Variants in ZNF621 observed in about 807,000 individuals in gnomAD.
ZNF621 encodes zinc finger protein 621.
In ZNF621, 6 loss-of-function variants were observed where a neutral mutation model predicts 12.7. The observed-to-expected ratio is 0.47, with a 90% CI of 0.26 to 0.93. The LOEUF is 0.93. ZNF621 is among the 40% of genes least tolerant of loss of function. The pLI is 0.15. For missense variants in ZNF621, 474 were observed against 524.0 expected, an observed-to-expected ratio of 0.90 and a Z score of 0.93; for synonymous variants, 156 against 190.3, an observed-to-expected ratio of 0.82 and a Z score of 1.48.
At chr3:40,529,531 A>C in intron 3 of ZNF621, 86 bp downstream of exon 3, 1 of 1,596,482 alleles carries the variant, frequency 6.3e-7, no homozygotes. Context: ...GGGTTTGATG[A>C]CTTCAGAGGA....
In ZNF621 at chr3:40,538,271, G is replaced by A; in HGVS notation, c.*5181G>A. 2.5e-6 allele frequency: 1 copy of A among 404,846 alleles called. No homozygotes were observed. Among genetic ancestry groups the A allele is most frequent in the Non-Finnish European group, 4.9e-6 (1 of 205,908 alleles). The allele number at this position is 404,846 out of a possible 1,614,324, so 25.1% of individuals were successfully genotyped here. A position where few individuals can be genotyped will look rare whatever the true frequency, so the allele number is the denominator to read the frequency against. On this transcript the variant is annotated 3_prime_UTR_variant, in exon 5 of 5. Transcript: ENST00000339296. Reference sequence around the variant, plus strand: ...CTCACACTTGTAATCCCAACACTTTGGGAGGCCAAGGCAGGTGGATCAGTT... The same window carrying A: ...CTCACACTTGTAATCCCAACACTTTAGGAGGCCAAGGCAGGTGGATCAGTT...
chr3:40,532,818 G>T lies in ZNF621; in HGVS notation c.1048G>T (p.Val350Phe). 1.2e-6 allele frequency: 2 copies of T among 1,614,152 alleles called. No homozygotes were observed. The highest frequency in any genetic ancestry group is 1.7e-6 in the Non-Finnish European group (2 of 1,180,024). ...LHPVEKKPVK[V>F]LGPSLVSPQC... The stretch of plus-strand genomic sequence containing the variant: ...CCCTGTGGAGAAGAAGCCAGTCAAG[G>T]TCCTTGGGCCATCCCTGGTCAGTCC... Residue 350 changes from valine (V) to phenylalanine (F), a missense_variant, in exon 5 of 5, where the codon GTC (valine) becomes TTC (phenylalanine). Val to Phe is a conservative substitution (Grantham distance 50, BLOSUM62 -1). Transcript: ENST00000339296.
In ZNF621 at chr3:40,532,733, T is replaced by C; in HGVS notation, c.963T>C (p.Cys321=). The C allele has an allele frequency of 6.2e-7, 1 of 1,614,222 alleles. No homozygotes were observed. Residue 321 remains cysteine, a synonymous_variant, in exon 5 of 5, where the codon TGT becomes TGC. Coordinates refer to ENST00000339296, the MANE Select transcript of ZNF621 (RefSeq NM_198484.5). The part of the protein sequence containing the change: ...RVHTGEKPYE[C]KVCGKAFKWY... ...ACACTGGGGAGAAGCCTTATGAATG[T>C]AAGGTGTGTGGGAAAGCCTTCAAAT...
At chr3:40,531,927 A>G (rs1008969098) in intron 4 of ZNF621, 103 bp from the exon 5 acceptor site, 2 of 1,078,538 alleles carry the variant, frequency 1.9e-6, no homozygotes, top group African/African-American at 3.2e-5. Context: ...ACCATTTCAC[A>G]GGTATCTTTA....
At chr3:40,524,539 G>C (rs988332842), upstream of ZNF621, among the ~76,000 whole-genome samples, 4 of 152,232 alleles carry the variant, frequency 2.6e-5, no homozygotes, top group Admixed American at 2.6e-4. Context: ...GGACTGCCCA[G>C]CTGAGGACCC....
rs145215791 is a variant in ZNF621, at chr3:40,537,198, C to G, written c.*4108C>G. On this transcript the variant is annotated 3_prime_UTR_variant, in exon 5 of 5. Transcript: ENST00000339296. Reference sequence around the variant, plus strand: ...GCTTAGTGAGGAAGGCTAATGTCAACAGCTGAGATAGGCCAAAAGCTAGAC... The same window carrying G: ...GCTTAGTGAGGAAGGCTAATGTCAAGAGCTGAGATAGGCCAAAAGCTAGAC... The G allele has an allele frequency of 3.0e-4, 46 of 152,318 alleles. No individual in the cohort carries two copies. Among genetic ancestry groups the G allele is most frequent in the African/African-American group, 1.1e-3 (45 of 41,570 alleles). The allele number at this position is 152,318 out of a possible 1,614,324, so 9.4% of individuals were successfully genotyped here.
chr3:40,525,427 AG>A, intron 1 of ZNF621, 153 bp downstream of exon 1: 1 of 279,762 alleles, frequency 3.6e-6, no homozygotes, highest in Admixed American at 4.9e-5. Context: ...TCTTCTCCTG[AG>A]GTTCTTTCTT....
Position 40,538,546 on chromosome 3 carries a change from C to T in ZNF621, c.*5456C>T, listed in dbSNP as rs1046195126. 6 of 156,706 alleles carry T rather than the reference C, an allele frequency of 3.8e-5. No individual in the cohort carries two copies. The highest frequency in any genetic ancestry group is 7.1e-5 in the Non-Finnish European group (5 of 70,812). 9.7% of individuals were successfully genotyped at this position (156,706 alleles called of 1,614,324 possible). A position where few individuals can be genotyped will look rare whatever the true frequency, so the allele number is the denominator to read the frequency against. On this transcript the variant is annotated 3_prime_UTR_variant, in exon 5 of 5. Transcript: ENST00000339296. ...AAATTTAGTTCCAAATATTACTGCT[C>T]GTTGATAATGTGTCTGGTCACCCAA...
chr3:40,529,650 TCTCG>T, intron 3 of ZNF621: 1 of 1,338,122 alleles, frequency 7.5e-7, no homozygotes, highest in Non-Finnish European at 9.9e-7. Flanking sequence ...TGAGACAGAG[TCTCG>T]CTCTGTCACC....
chr3:40,533,176 T>C lies in ZNF621; in HGVS notation c.*86T>C. On this transcript the variant is annotated 3_prime_UTR_variant, in exon 5 of 5. Transcript: ENST00000339296. Reference sequence around the variant, plus strand: ...ATTTTTTTGAGAAAGGGTCTTGCTCTGTCACCCAGGCTAGAGTGCGGTGGT... The same window carrying C: ...ATTTTTTTGAGAAAGGGTCTTGCTCCGTCACCCAGGCTAGAGTGCGGTGGT... 1 of 1,481,830 alleles carries C rather than the reference T, an allele frequency of 6.7e-7. No individual in the cohort carries two copies. The allele number at this position is 1,481,830 out of a possible 1,614,324, so 91.8% of individuals were successfully genotyped here. A position where few individuals can be genotyped will look rare whatever the true frequency, so the allele number is the denominator to read the frequency against.
chr3:40,529,893 T>A (rs1411535242), intron 3 of ZNF621, among the ~76,000 whole-genome samples: 1 of 152,190 alleles, frequency 6.6e-6, no homozygotes, highest in Non-Finnish European at 1.5e-5. Flanking sequence ...CCTTTGTTCC[T>A]TTGTCCATCC....
chr3:40,539,495 T>A lies in ZNF621; in HGVS notation c.*6405T>A, dbSNP rs1329689458. ...CTATTGCAAACTTAATAGACTATAATATAGATTAAACATAACTTTTATAGG... is the reference window on the plus strand; with the variant it reads ...CTATTGCAAACTTAATAGACTATAAAATAGATTAAACATAACTTTTATAGG... On this transcript the variant is annotated 3_prime_UTR_variant, in exon 5 of 5. Coordinates refer to ENST00000339296, the MANE Select transcript of ZNF621 (RefSeq NM_198484.5). 1 of 152,216 alleles carries A rather than the reference T, an allele frequency of 6.6e-6. No homozygotes were observed. The highest frequency in any genetic ancestry group is 1.5e-5 in the Non-Finnish European group (1 of 68,044). The allele number at this position is 152,216 out of a possible 1,614,324, so 9.4% of individuals were successfully genotyped here. A position where few individuals can be genotyped will look rare whatever the true frequency, so the allele number is the denominator to read the frequency against.
intron 2 of ZNF621, among the ~76,000 whole-genome samples, chr3:40,528,151 C>T (rs1037002104): frequency 6.6e-6 from 1 of 152,198 alleles, no homozygotes; most frequent in Non-Finnish European, 1.5e-5. Context: ...CTTACTTTCC[C>T]CTTAGTCCCG....
At chr3:40,531,002 C>T (rs1459746514) in intron 4 of ZNF621, among the ~76,000 whole-genome samples, 2 of 152,184 alleles carry the variant, frequency 1.3e-5, no homozygotes, top group African/African-American at 4.8e-5. Context: ...TCCATTTCTT[C>T]AGAAGAAAAT....
rs1698936168 is a variant in ZNF621, at chr3:40,538,979, T to C, written c.*5889T>C. The C allele has an allele frequency of 6.6e-6, 1 of 152,548 alleles. No individual in the cohort carries two copies. Among genetic ancestry groups the C allele is most frequent in the Admixed American group, 6.5e-5 (1 of 15,286 alleles). The allele number at this position is 152,548 out of a possible 1,614,324, so 9.4% of individuals were successfully genotyped here. On this transcript the variant is annotated 3_prime_UTR_variant, in exon 5 of 5. Transcript: ENST00000339296. ...GAACCTGCATATGTGACTGAATTGC[T>C]GCAATCTCATGATAAAACGTGAACA... is the stretch of plus-strand genomic sequence containing the variant.
At chr3:40,524,073 AAC>A (rs1238175000), upstream of ZNF621, among the ~76,000 whole-genome samples, 15 of 152,204 alleles carry the variant, frequency 9.9e-5, no homozygotes, top group Non-Finnish European at 1.9e-4. Flanking sequence ...TTGGTCAAAA[AAC>A]AGTCTTTTCC....
At chr3:40,527,485 C>T (rs1366625196) in intron 2 of ZNF621, among the ~76,000 whole-genome samples, 1 of 152,148 alleles carries the variant, frequency 6.6e-6, no homozygotes, top group Non-Finnish European at 1.5e-5. Flanking sequence ...GTGCACACCA[C>T]CATGCTGGGC....
In ZNF621 at chr3:40,530,245, A is replaced by G. The variant is rs1698691344; in HGVS notation, c.188A>G (p.His63Arg). ...FPFPKPALISHLERGEAPWGP... is the reference protein window; with the variant it reads ...FPFPKPALISRLERGEAPWGP... ...TTCCCCAAACCTGCTCTGATCTCCC[A>G]CCTGGAGAGAGGGGAAGCACCATGG... The change falls in exon 4 of 5, where the codon CAC becomes CGC. Residue 63 changes from histidine to arginine, a missense_variant. Physicochemically the swap from His to Arg is conservative, Grantham distance 29. Transcript: ENST00000339296. The G allele has an allele frequency of 1.2e-6, 2 of 1,613,516 alleles. No homozygotes were observed. The highest frequency in any genetic ancestry group is 2.7e-5 in the African/African-American group (2 of 74,770).
At chr3:40,526,424 G>A (rs1020395577) in intron 2 of ZNF621, among the ~76,000 whole-genome samples, 5 of 152,132 alleles carry the variant, frequency 3.3e-5, no homozygotes, top group Non-Finnish European at 5.9e-5. Context: ...CACCCGCTTC[G>A]GCTTCCCAAA....
Sources: allele counts gnomAD v4.1 joint callset (sites outside exome capture counted in the v4.1 genomes callset), GRCh38; gene constraint gnomAD v4.1.1; transcripts MANE v1.5; gene names NCBI Gene and HGNC (gene_info 2026-07-23, HGNC 2026-07-21).